GXYLT1: variants seen among roughly 807,000 people sequenced by gnomAD.
GXYLT1 encodes glucoside xylosyltransferase 1, also known as glycosyltransferase 8 domain containing 3.
GXYLT1 carries 29 observed loss-of-function variants against 54.0 expected under a neutral mutation model. The ratio of observed to expected loss-of-function variants is 0.54; its 90% CI spans 0.40 to 0.73. The LOEUF is 0.73. Among genes scored for constraint, GXYLT1 ranks in the 30% least tolerant of loss-of-function variants. The probability of loss-of-function intolerance (pLI) is 0.00; values close to 1 mark genes in which losing one functional copy is unlikely to be tolerated. For synonymous variants in GXYLT1, 176 were observed against 204.1 expected, an observed-to-expected ratio of 0.86 and a Z score of 1.17; for missense variants, 490 against 553.4, an observed-to-expected ratio of 0.89 and a Z score of 1.15.
intron 1 of GXYLT1, among the ~76,000 whole-genome samples, chr12:42,141,230 T>C (rs1202999174): frequency 6.6e-6 from 1 of 152,176 alleles, no homozygotes; most frequent in Admixed American, 6.5e-5. Flanking sequence ...ATTTTGTATT[T>C]GAGATTAGAG....
At chr12:42,098,139 A>G in intron 5 of GXYLT1, 106 bp from the exon 6 acceptor site, 6 of 1,030,014 alleles carry the variant, frequency 5.8e-6, no homozygotes, top group Non-Finnish European at 5.8e-6. Flanking sequence ...ATCCACAAAG[A>G]GAAATGCAAA....
intron 3 of GXYLT1, among the ~76,000 whole-genome samples, chr12:42,112,440 T>C (rs1323458782): frequency 6.6e-6 from 1 of 151,820 alleles, no homozygotes; most frequent in Non-Finnish European, 1.5e-5. Context: ...TGCAGAGAAG[T>C]CCTTAAAGGA....
In GXYLT1 at chr12:42,123,577, T is replaced by C. The variant is rs566307335; in HGVS notation, c.315-4406A>G. On this transcript the variant is annotated intron_variant, in intron 2 of 7. Coordinates refer to ENST00000398675, the MANE Select transcript of GXYLT1 (RefSeq NM_173601.2). ...TTAATAAACTTCTAAGTCTTAAGAA[T>C]TGACTTCTTATTTTAAGTAAATTTC... 1.9e-4 allele frequency among the ~76,000 whole-genome samples: 29 copies of C among 151,104 alleles called. 1 individual carries two copies. Among genetic ancestry groups the C allele is most frequent in the Non-Finnish European group, 2.7e-4 (18 of 67,248 alleles).
In GXYLT1 at chr12:42,097,530, CCTT is replaced by C. The variant is rs781562409; in HGVS notation, c.1070_1072del (p.Glu357del). 1.0e-4 allele frequency: 169 copies of C among 1,611,516 alleles called. No individual in the cohort carries two copies. Among genetic ancestry groups the C allele is most frequent in the Non-Finnish European group, 1.4e-4 (167 of 1,178,808 alleles). On this transcript the variant is annotated inframe_deletion, in exon 7 of 8. Coordinates refer to ENST00000398675, the MANE Select transcript of GXYLT1 (RefSeq NM_173601.2). ...GTTCCCATGAAGAATAAAGATTCCT[CCTT>C]CTTCTGCTTCTTGGCAATTGCTTCC... is the stretch of plus-strand genomic sequence containing the variant.
intron 4 of GXYLT1, among the ~76,000 whole-genome samples, chr12:42,106,329 T>C (rs2065421008): frequency 6.6e-6 from 1 of 152,156 alleles, no homozygotes; most frequent in Non-Finnish European, 1.5e-5. Context: ...GAGAATAATA[T>C]GAAATCTTCA....
intron 1 of GXYLT1, among the ~76,000 whole-genome samples, chr12:42,133,637 C>T (rs538705563): frequency 1.3e-5 from 2 of 152,300 alleles, no homozygotes; most frequent in Admixed American, 1.3e-4. Flanking sequence ...AACTAGCATC[C>T]GGTTCACAGT....
At chr12:42,131,039 T>G (rs2065591396) in intron 1 of GXYLT1, among the ~76,000 whole-genome samples, 1 of 152,200 alleles carries the variant, frequency 6.6e-6, no homozygotes, top group Non-Finnish European at 1.5e-5. Context: ...AGTATCATTA[T>G]CTACATAATC....
At chr12:42,111,861 G>A (rs1164924752) in intron 3 of GXYLT1, among the ~76,000 whole-genome samples, 2 of 152,200 alleles carry the variant, frequency 1.3e-5, no homozygotes, top group African/African-American at 2.4e-5. Flanking sequence ...CCTGAACCCT[G>A]AGTAGCCTAA....
In GXYLT1 at chr12:42,116,011, C is replaced by G. The variant is rs558465442; in HGVS notation, c.486+2989G>C. On this transcript the variant is annotated intron_variant, in intron 3 of 7. Coordinates refer to ENST00000398675, the MANE Select transcript of GXYLT1 (RefSeq NM_173601.2). Reference sequence around the variant, plus strand: ...ACTATCTGATCTTTGAGAAACCTGACAAAAACAAGCAATGGGGAAAGGATT... The same window carrying G: ...ACTATCTGATCTTTGAGAAACCTGAGAAAAACAAGCAATGGGGAAAGGATT... Among the ~76,000 whole-genome samples, 382 of 151,654 alleles carry G rather than the reference C, an allele frequency of 2.5e-3. 2 individuals are homozygous for G. The highest frequency in any genetic ancestry group is 8.7e-3 in the African/African-American group (358 of 41,332).
chr12:42,112,941 A>C (rs1469938337), intron 3 of GXYLT1, among the ~76,000 whole-genome samples: 1 of 151,290 alleles, frequency 6.6e-6, no homozygotes, highest in Non-Finnish European at 1.5e-5. Context: ...TCTCGGCAGA[A>C]ACTCTACAAG....
chr12:42,132,674 A>T (rs1018707512), intron 1 of GXYLT1, among the ~76,000 whole-genome samples: 2 of 152,208 alleles, frequency 1.3e-5, no homozygotes, highest in African/African-American at 4.8e-5. Context: ...GCTAGAGAGC[A>T]CACCTCAAAC....
chr12:42,103,945 G>GT (rs1002335830), intron 5 of GXYLT1, among the ~76,000 whole-genome samples: 1 of 152,096 alleles, frequency 6.6e-6, no homozygotes, highest in African/African-American at 2.4e-5. Context: ...TAAGTAATAG[G>GT]TAAGTTAAAA....
chr12:42,123,334 G>A lies in GXYLT1; in HGVS notation c.315-4163C>T, dbSNP rs146403970. 1.9e-3 allele frequency among the ~76,000 whole-genome samples: 286 copies of A among 152,258 alleles called. 4 individuals are homozygous for A. The highest frequency in any genetic ancestry group is 1.5e-3 in the East Asian group (8 of 5,190). On this transcript the variant is annotated intron_variant, in intron 2 of 7. Coordinates refer to ENST00000398675, the MANE Select transcript of GXYLT1 (RefSeq NM_173601.2). ...ACATGCTGAATCTATGTATTTAGGG[G>A]TGTGTCCTAATGCCTGCTGTCTCTC...
chr12:42,133,370 T>A (rs1253319299), intron 1 of GXYLT1, among the ~76,000 whole-genome samples: 2 of 152,142 alleles, frequency 1.3e-5, no homozygotes, highest in Non-Finnish European at 2.9e-5. Context: ...AATAGAATAC[T>A]GAATATAATA....
intron 2 of GXYLT1, among the ~76,000 whole-genome samples, chr12:42,126,096 C>T (rs7135595): frequency 0.54 from 76,983 of 142,774 alleles, 20,517 homozygotes; most frequent in South Asian, 0.71. Context: ...TTTTTTGAGA[C>T]AGAGTCTCAC....
chr12:42,094,416 T>A (rs761847247), intron 7 of GXYLT1, among the ~76,000 whole-genome samples: 84 of 148,946 alleles, frequency 5.6e-4, no homozygotes, highest in Non-Finnish European at 1.1e-3. Flanking sequence ...TCAGCCACTA[T>A]GGAGGCTGAC....
Position 42,098,018 on chromosome 12 carries a change from C to G in GXYLT1, c.880G>C (p.Val294Leu). Residue 294 changes from valine to leucine, a missense_variant, in exon 6 of 8, where the codon GTA becomes CTA. Transcript: ENST00000398675. ...AGTATATCTCCCCATTGTAGTCGTA[C>G]AGTTGTCATATCATTCTGTTGATAA... ...RKYFKNDMTT[V>L]RLQWGDILMP... 6.2e-7 allele frequency: 1 copy of G among 1,608,426 alleles called. No individual in the cohort carries two copies. The highest frequency in any genetic ancestry group is 1.7e-5 in the Admixed American group (1 of 59,156).
intron 1 of GXYLT1, among the ~76,000 whole-genome samples, chr12:42,131,776 T>C (rs1418430291): frequency 2.0e-5 from 3 of 152,202 alleles, no homozygotes; most frequent in Admixed American, 6.5e-5. Flanking sequence ...GTCAGACTCA[T>C]TGATGGTAAT....
chr12:42,111,973 G>A (rs1024018083), intron 3 of GXYLT1, among the ~76,000 whole-genome samples: 2 of 152,210 alleles, frequency 1.3e-5, no homozygotes, highest in Admixed American at 1.3e-4. Context: ...AGCATTTGCG[G>A]TTCACCAATA....
Sources: gnomAD v4.1 joint callset for allele counts (sites outside exome capture counted in the v4.1 genomes callset) on GRCh38, gnomAD v4.1.1 for gene constraint, MANE v1.5 for transcripts, NCBI Gene and HGNC (gene_info 2026-07-23, HGNC 2026-07-21) for gene names.